Variants in CNTNAP5 observed in about 807,000 individuals in gnomAD.
CNTNAP5 encodes the protein contactin associated protein family member 5.
In CNTNAP5, 72 loss-of-function variants were observed where a neutral mutation model predicts 150.2. The ratio of observed to expected loss-of-function variants is 0.48; its 90% CI spans 0.40 to 0.58. CNTNAP5 has a LOEUF of 0.58. CNTNAP5 is among the 20% of genes least tolerant of loss of function. The probability of loss-of-function intolerance (pLI) is 0.00; values close to 1 mark genes in which losing one functional copy is unlikely to be tolerated. For missense variants in CNTNAP5, 1,636 were observed against 1,626.2 expected, an observed-to-expected ratio of 1.01 and a Z score of -0.10; for synonymous variants, 672 against 619.8, an observed-to-expected ratio of 1.08 and a Z score of -1.25.
chr2:124,122,372 G>A (rs1007919596), intron 1 of CNTNAP5, among the ~76,000 whole-genome samples: 1 of 152,150 alleles, frequency 6.6e-6, no homozygotes, highest in Non-Finnish European at 1.5e-5. Flanking sequence ...TTTGCATATT[G>A]AATGATTCTG....
intron 18 of CNTNAP5, among the ~76,000 whole-genome samples, chr2:124,796,920 A>G (rs899242834): frequency 8.1e-4 from 123 of 152,300 alleles, no homozygotes; most frequent in African/African-American, 2.6e-3. Context: ...TTTAAAGTGA[A>G]CTCAAGAGCA....
At chr2:124,807,685 C>A (rs147800471) in intron 19 of CNTNAP5, among the ~76,000 whole-genome samples, 3 of 152,244 alleles carry the variant, frequency 2.0e-5, no homozygotes, top group Non-Finnish European at 4.4e-5. Flanking sequence ...TGTTCTCTGA[C>A]GTTTCATGGT....
rs912571064 is a variant in CNTNAP5, at chr2:124,109,303, T to G, written c.82+83571T>G. Among the ~76,000 whole-genome samples, 4 of 152,102 alleles carry G rather than the reference T, an allele frequency of 2.6e-5. No homozygotes were observed. The East Asian group carries it at 7.7e-4, about 29-fold the overall frequency. Reference sequence around the variant, plus strand: ...TGCCTCTGGATGCCCCAAACCCCACTCAGCCCTCACCTCACACAGTGATAG... The same window carrying G: ...TGCCTCTGGATGCCCCAAACCCCACGCAGCCCTCACCTCACACAGTGATAG... On this transcript the variant is annotated intron_variant, in intron 1 of 23. Coordinates refer to ENST00000682447, the MANE Select transcript of CNTNAP5 (RefSeq NM_001367498.1).
intron 3 of CNTNAP5, among the ~76,000 whole-genome samples, chr2:124,336,151 T>A (rs1381984961): frequency 6.6e-6 from 1 of 152,020 alleles, no homozygotes; most frequent in Non-Finnish European, 1.5e-5. Context: ...TCTTTGGAAA[T>A]GAAATGGGAC....
Position 124,312,143 on chromosome 2 carries a change from A to C in CNTNAP5, c.381+69750A>C, listed in dbSNP as rs143575155. ...GTGAGCCATAAAACCAGCATTTCATATGGGGGCTCCTTAGTGGAAGAACTG... is the reference window on the plus strand; with the variant it reads ...GTGAGCCATAAAACCAGCATTTCATCTGGGGGCTCCTTAGTGGAAGAACTG... On this transcript the variant is annotated intron_variant, in intron 3 of 23. Transcript: ENST00000682447. 1.2e-3 allele frequency among the ~76,000 whole-genome samples: 180 copies of C among 152,330 alleles called. 2 individuals are homozygous for C. In the East Asian group the frequency reaches 0.025, roughly 21 times the overall value.
intron 5 of CNTNAP5, among the ~76,000 whole-genome samples, chr2:124,446,254 C>T (rs776620727): frequency 3.9e-5 from 6 of 152,104 alleles, no homozygotes; most frequent in Non-Finnish European, 7.3e-5. Flanking sequence ...TTCCTAAGTG[C>T]CGTGCATACA....
intron 19 of CNTNAP5, among the ~76,000 whole-genome samples, chr2:124,821,830 G>A (rs887003098): frequency 3.3e-5 from 5 of 152,160 alleles, no homozygotes; most frequent in African/African-American, 1.2e-4. Flanking sequence ...TGGGGATGGG[G>A]CAAAGCCCTC....
intron 12 of CNTNAP5, among the ~76,000 whole-genome samples, chr2:124,618,734 A>C (rs139630771): frequency 6.6e-6 from 1 of 152,172 alleles, no homozygotes. Flanking sequence ...GAAGATTTCC[A>C]TATTGACCTG....
chr2:124,283,966 G>T (rs1037965175), intron 3 of CNTNAP5, among the ~76,000 whole-genome samples: 7 of 152,132 alleles, frequency 4.6e-5, no homozygotes, highest in Non-Finnish European at 7.4e-5. Context: ...ACTGGGGTAG[G>T]GAAGACACAA....
intron 1 of CNTNAP5, among the ~76,000 whole-genome samples, chr2:124,037,793 T>C (rs528400296): frequency 1.3e-5 from 2 of 152,330 alleles, no homozygotes; most frequent in Admixed American, 1.3e-4. Flanking sequence ...AACAATAATG[T>C]ATTATATACT....
Position 124,080,164 on chromosome 2 carries a change from A to G in CNTNAP5, c.82+54432A>G, listed in dbSNP as rs367928102. Among the ~76,000 whole-genome samples, 18 of 152,298 alleles carry G rather than the reference A, an allele frequency of 1.2e-4. No homozygotes were observed. The South Asian group carries it at 3.7e-3, about 32-fold the overall frequency. On this transcript the variant is annotated intron_variant, in intron 1 of 23. Transcript: ENST00000682447. ...ATTGAGTTAAAATAGCATTTTCCTTACATTTATTTTGTGCTCTCTCCCAAC... is the reference window on the plus strand; with the variant it reads ...ATTGAGTTAAAATAGCATTTTCCTTGCATTTATTTTGTGCTCTCTCCCAAC...
intron 3 of CNTNAP5, among the ~76,000 whole-genome samples, chr2:124,340,930 G>T (rs1232311985): frequency 7.0e-6 from 1 of 143,470 alleles, no homozygotes; most frequent in African/African-American, 2.5e-5. Context: ...ATATATATTA[G>T]GTGGGAAGGG....
intron 12 of CNTNAP5, among the ~76,000 whole-genome samples, chr2:124,646,842 T>C (rs1367073642): frequency 6.6e-6 from 1 of 152,108 alleles, no homozygotes; most frequent in Non-Finnish European, 1.5e-5. Context: ...GCACGCTGGC[T>C]CATGCCTGTG....
chr2:124,149,420 A>C (rs1206602389), intron 1 of CNTNAP5, among the ~76,000 whole-genome samples: 2 of 151,274 alleles, frequency 1.3e-5, no homozygotes, highest in Non-Finnish European at 2.9e-5. Context: ...AAAAAAAAAA[A>C]AAAAAACTCA....
chr2:124,034,477 T>C (rs1681155772), intron 1 of CNTNAP5, among the ~76,000 whole-genome samples: 1 of 152,052 alleles, frequency 6.6e-6, no homozygotes, highest in East Asian at 1.9e-4. Context: ...AGACAATGAG[T>C]AGAGTCTACC....
chr2:124,068,474 C>A (rs1011955958), intron 1 of CNTNAP5, among the ~76,000 whole-genome samples: 3 of 152,106 alleles, frequency 2.0e-5, no homozygotes, highest in African/African-American at 7.2e-5. Flanking sequence ...GAAGCCTCAC[C>A]TTTGTGGACT....
intron 19 of CNTNAP5, among the ~76,000 whole-genome samples, chr2:124,802,729 T>C (rs1681995576): frequency 6.6e-6 from 1 of 152,142 alleles, no homozygotes; most frequent in Non-Finnish European, 1.5e-5. Context: ...TCTTTCAAAT[T>C]TGCAACTCAG....
intron 19 of CNTNAP5, among the ~76,000 whole-genome samples, chr2:124,832,785 T>C (rs1247062480): frequency 6.6e-6 from 1 of 152,090 alleles, no homozygotes; most frequent in Non-Finnish European, 1.5e-5. Flanking sequence ...ACCAGTAGAA[T>C]AGACAACAGA....
chr2:124,869,602 C>A, intron 20 of CNTNAP5, 73 bp from the exon 21 acceptor site: 1 of 953,056 alleles, frequency 1.0e-6, no homozygotes, highest in South Asian at 1.4e-5. Flanking sequence ...CAAGCTATTT[C>A]CAGATGGGAT....
Sources: allele counts gnomAD v4.1 joint callset (sites outside exome capture counted in the v4.1 genomes callset), GRCh38; gene constraint gnomAD v4.1.1; transcripts MANE v1.5; gene names NCBI Gene and HGNC (gene_info 2026-07-23, HGNC 2026-07-21).